Variants in CCNH observed in about 807,000 individuals in gnomAD.
CCNH encodes cyclin-H.
Under a neutral mutation model 41.9 loss-of-function variants are expected in CCNH, and 31 were observed. That is an observed-to-expected ratio of 0.74 (90% CI 0.56 to 1.00). The LOEUF (loss-of-function observed/expected upper bound fraction) is 1.00, where lower values mean the gene tolerates loss of function less well. Among genes scored for constraint, CCNH ranks in the 50% least tolerant of loss-of-function variants. The pLI is 0.00. For missense variants in CCNH, 362 were observed against 388.4 expected (o/e 0.93, Z 0.57); for synonymous variants, 138 against 136.1 (o/e 1.01, Z -0.10).
downstream of CCNH, chr5:87,374,916 T>C: frequency 6.2e-7 from 1 of 1,605,094 alleles, no homozygotes; most frequent in Non-Finnish European, 8.5e-7. Flanking sequence ...TCCTGATATC[T>C]GTAAGTTGAT....
intron 9 of CCNH, among the ~76,000 whole-genome samples, chr5:87,359,473 G>C (rs1759909685): frequency 6.6e-6 from 1 of 152,098 alleles, no homozygotes; most frequent in East Asian, 1.9e-4. Flanking sequence ...TTGTGGGCTA[G>C]TCCCCACTTT....
chr5:87,374,141 ATATATAT>A, downstream of CCNH: 2 of 1,378,486 alleles, frequency 1.5e-6, no homozygotes, highest in African/African-American at 3.0e-5. Context: ...TAATATATAT[ATATATAT>A]TTTTTTTTTT....
intron 9 of CCNH, among the ~76,000 whole-genome samples, chr5:87,342,162 C>A (rs796960227): frequency 5.7e-5 from 8 of 139,788 alleles, no homozygotes; most frequent in East Asian, 2.0e-4. Flanking sequence ...GTTATTTTTT[C>A]TTTTTTTTTT....
chr5:87,339,672 C>T (rs577906661), intron 9 of CCNH, among the ~76,000 whole-genome samples: 2 of 152,068 alleles, frequency 1.3e-5, no homozygotes, highest in Middle Eastern at 3.2e-3. Context: ...GACATGACCT[C>T]ACATCAGTAC....
chr5:87,342,833 GT>G (rs540333092), intron 9 of CCNH, among the ~76,000 whole-genome samples: 5 of 151,932 alleles, frequency 3.3e-5, no homozygotes, highest in African/African-American at 7.3e-5. Context: ...ATAAATCTAG[GT>G]TTTTTTATTT....
At chr5:87,406,413 T>C (rs191522693) in intron 4 of CCNH, among the ~76,000 whole-genome samples, 1 of 152,164 alleles carries the variant, frequency 6.6e-6, no homozygotes, top group Non-Finnish European at 1.5e-5. Context: ...ACCTGGGGGT[T>C]CTTCCTCTGT....
intron 6 of CCNH, among the ~76,000 whole-genome samples, chr5:87,400,829 T>A (rs1271665615): frequency 6.6e-6 from 1 of 152,172 alleles, no homozygotes; most frequent in African/African-American, 2.4e-5. Flanking sequence ...AAAGAGTAGC[T>A]TAGCAGCCAT....
At chr5:87,329,518 T>A (rs559718413) in intron 9 of CCNH, among the ~76,000 whole-genome samples, 42 of 152,168 alleles carry the variant, frequency 2.8e-4, no homozygotes, top group Non-Finnish European at 5.1e-4. Context: ...GTTGGATATT[T>A]CTTATAAAGT....
downstream of CCNH, among the ~76,000 whole-genome samples, chr5:87,374,561 CATT>C (rs1216687018): frequency 6.8e-6 from 1 of 147,780 alleles, no homozygotes; most frequent in African/African-American, 2.5e-5. Context: ...AGTCAAAAAA[CATT>C]TACTAACCCA....
intron 9 of CCNH, among the ~76,000 whole-genome samples, chr5:87,382,794 GTT>G (rs1761810073): frequency 6.6e-6 from 1 of 152,026 alleles, no homozygotes; most frequent in Admixed American, 6.6e-5. Flanking sequence ...TGTCTTAAAA[GTT>G]TTTCAGGCTG....
intron 9 of CCNH, among the ~76,000 whole-genome samples, chr5:87,359,351 C>G (rs1759898394): frequency 6.6e-6 from 1 of 152,144 alleles, no homozygotes; most frequent in Admixed American, 6.6e-5. Flanking sequence ...ATCTCTCAGG[C>G]TGAGAAAAGG....
At position 87,338,536 on chromosome 5, in the gene CCNH, A is replaced by ATATATATATATTTT; in HGVS notation, c.*91-19640_*91-19639insAAAATATATATATA. Among the ~76,000 whole-genome samples the ATATATATATATTTT allele has an allele frequency of 6.8e-4, 58 of 85,192 alleles. 2 individuals are homozygous for ATATATATATATTTT. The highest frequency in any genetic ancestry group is 2.5e-3 in the East Asian group (5 of 2,024). 55.9% of individuals were successfully genotyped at this position (85,192 alleles called of 152,430 possible). A position where few individuals can be genotyped will look rare whatever the true frequency, so the allele number is the denominator to read the frequency against. On this transcript the variant is annotated intron_variant and NMD_transcript_variant, in intron 9 of 9. Coordinates refer to the CCNH transcript ENST00000645953. ...ATATATATATATATATATATATAAA[A>ATATATATATATTTT]TTTTTTTTTTTTTTAAGTAGAAATG...
chr5:87,390,228 A>G (rs1762398830), downstream of CCNH, among the ~76,000 whole-genome samples: 1 of 152,228 alleles, frequency 6.6e-6, no homozygotes, highest in African/African-American at 2.4e-5. Context: ...CTCAGCTGAC[A>G]TAAGGGCTAC....
intron 9 of CCNH, among the ~76,000 whole-genome samples, chr5:87,336,488 AT>A (rs1451527202): frequency 3.9e-5 from 6 of 152,122 alleles, no homozygotes; most frequent in African/African-American, 1.4e-4. Flanking sequence ...TAAAATAAAA[AT>A]ACCTTAAAAA....
downstream of CCNH, among the ~76,000 whole-genome samples, chr5:87,317,657 A>G (rs1182532092): frequency 3.4e-5 from 5 of 147,660 alleles, no homozygotes; most frequent in African/African-American, 1.3e-4. Context: ...TTCTTTTGAG[A>G]CAGAATCTTG....
intron 9 of CCNH, among the ~76,000 whole-genome samples, chr5:87,329,336 G>A (rs1051382764): frequency 6.6e-6 from 1 of 151,878 alleles, no homozygotes; most frequent in African/African-American, 2.4e-5. Context: ...CGGCTACTTG[G>A]GAGGCTGTGG....
intron 9 of CCNH, chr5:87,363,596 ATCT>A: frequency 7.0e-7 from 1 of 1,423,440 alleles, no homozygotes; most frequent in Non-Finnish European, 9.8e-7. Context: ...CCCTAAAATC[ATCT>A]TCTAAAAGTA....
At chr5:87,410,756 C>A (rs1027289393) in intron 2 of CCNH, among the ~76,000 whole-genome samples, 4 of 152,046 alleles carry the variant, frequency 2.6e-5, no homozygotes, top group African/African-American at 9.7e-5. Flanking sequence ...ATAAGGCAAT[C>A]TTTTTCACCA....
intron 9 of CCNH, among the ~76,000 whole-genome samples, chr5:87,340,196 A>C (rs895542070): frequency 2.0e-5 from 3 of 152,012 alleles, no homozygotes; most frequent in Admixed American, 6.5e-5. Flanking sequence ...GTAAAATTTG[A>C]TTCATCTTTA....
Sources: gnomAD v4.1 joint callset for allele counts (sites outside exome capture counted in the v4.1 genomes callset) on GRCh38, gnomAD v4.1.1 for gene constraint, MANE v1.5 for transcripts, NCBI Gene and HGNC (gene_info 2026-07-23, HGNC 2026-07-21) for gene names.